FCHSD2: variants seen among roughly 807,000 people sequenced by gnomAD.
FCHSD2 encodes F-BAR and double SH3 domains protein 2.
FCHSD2 carries 38 observed loss-of-function variants against 108.1 expected under a neutral mutation model. The ratio of observed to expected loss-of-function variants is 0.35; its 90% CI spans 0.27 to 0.46. The LOEUF (loss-of-function observed/expected upper bound fraction) is 0.46. Among genes scored for constraint, FCHSD2 ranks in the 20% least tolerant of loss-of-function variants. FCHSD2 has a pLI of 1.00. For synonymous variants in FCHSD2, 279 were observed against 314.7 expected (o/e 0.89, Z 1.20); for missense variants, 751 against 897.8 (o/e 0.84, Z 2.09).
At chr11:72,844,416 A>G (rs1861062050) in intron 14 of FCHSD2, among the ~76,000 whole-genome samples, 1 of 152,176 alleles carries the variant, frequency 6.6e-6, no homozygotes, top group African/African-American at 2.4e-5. Context: ...CTCCAACTTA[A>G]CTGTGTGGAG....
intron 5 of FCHSD2, among the ~76,000 whole-genome samples, chr11:72,994,814 G>A (rs1026309343): frequency 6.6e-6 from 1 of 152,062 alleles, no homozygotes; most frequent in African/African-American, 2.4e-5. Context: ...TCTTATAGAT[G>A]TAGTTTATCT....
At chr11:72,972,449 G>A (rs1857025063) in intron 8 of FCHSD2, among the ~76,000 whole-genome samples, 1 of 152,202 alleles carries the variant, frequency 6.6e-6, no homozygotes, top group South Asian at 2.1e-4. Flanking sequence ...CCATGGGAAA[G>A]TAGAGGATGT....
At chr11:72,987,898 A>AT (rs1857339624) in intron 6 of FCHSD2, among the ~76,000 whole-genome samples, 1 of 152,236 alleles carries the variant, frequency 6.6e-6, no homozygotes, top group Admixed American at 6.5e-5. Context: ...CTGACTCTAT[A>AT]AAAGTACAGG....
At chr11:73,100,686 C>CT (rs1860202970) in intron 2 of FCHSD2, among the ~76,000 whole-genome samples, 1 of 152,116 alleles carries the variant, frequency 6.6e-6, no homozygotes, top group East Asian at 1.9e-4. Context: ...TCTAATCTTC[C>CT]TATGACAGTC....
At chr11:72,902,774 G>T (rs759933529) in intron 9 of FCHSD2, 136 bp from the exon 10 acceptor site, 11 of 554,556 alleles carry the variant, frequency 2.0e-5, no homozygotes, top group Non-Finnish European at 3.4e-5. Flanking sequence ...AAGAAATGGT[G>T]TTACGCATTT....
intron 8 of FCHSD2, among the ~76,000 whole-genome samples, chr11:72,978,227 G>A (rs996829855): frequency 2.0e-5 from 3 of 151,684 alleles, no homozygotes; most frequent in Non-Finnish European, 4.4e-5. Context: ...GAGTTAATGG[G>A]TACAGCACAC....
intron 3 of FCHSD2, among the ~76,000 whole-genome samples, chr11:73,062,582 G>C (rs539050431): frequency 6.6e-6 from 1 of 152,154 alleles, no homozygotes; most frequent in Non-Finnish European, 1.5e-5. Flanking sequence ...AACCAGTGTA[G>C]AGGAGAACAT....
At chr11:72,946,355 A>G (rs956957994) in intron 8 of FCHSD2, among the ~76,000 whole-genome samples, 5 of 137,956 alleles carry the variant, frequency 3.6e-5, no homozygotes, top group Non-Finnish European at 7.7e-5. Context: ...ATGAGAACAC[A>G]TGGACATAGG....
chr11:72,903,374 G>A (rs4944816), intron 9 of FCHSD2, among the ~76,000 whole-genome samples: 64,237 of 151,732 alleles, frequency 0.42, 14,343 homozygotes, highest in South Asian at 0.64. Flanking sequence ...CCGCCACTGC[G>A]CCCAGCTAAT....
intron 3 of FCHSD2, among the ~76,000 whole-genome samples, chr11:73,068,848 A>T (rs1859362879): frequency 6.7e-6 from 1 of 150,298 alleles, no homozygotes; most frequent in Non-Finnish European, 1.5e-5. Context: ...AGAAAAAAAA[A>T]TTAAAAAAAC....
intron 3 of FCHSD2, among the ~76,000 whole-genome samples, chr11:73,034,782 C>T (rs146233135): frequency 1.2e-3 from 188 of 152,232 alleles, no homozygotes; most frequent in Admixed American, 2.7e-3. Flanking sequence ...TATTAAGGAT[C>T]AGGTGAATTT....
chr11:73,093,465 C>T (rs569432631), intron 2 of FCHSD2, among the ~76,000 whole-genome samples: 4 of 152,204 alleles, frequency 2.6e-5, no homozygotes, highest in African/African-American at 7.2e-5. Flanking sequence ...TAGGGATTCT[C>T]GAACTTACAG....
chr11:73,114,568 G>A (rs1208164423), intron 2 of FCHSD2, among the ~76,000 whole-genome samples: 1 of 152,070 alleles, frequency 6.6e-6, no homozygotes, highest in Non-Finnish European at 1.5e-5. Flanking sequence ...CATCACAGAA[G>A]CTCACCCAAG....
chr11:72,944,633 T>C lies in FCHSD2; in HGVS notation c.706-22683A>G, dbSNP rs981408487. Among the ~76,000 whole-genome samples, 36 of 152,166 alleles carry C rather than the reference T, an allele frequency of 2.4e-4. 1 individual carries two copies. Among genetic ancestry groups the C allele is most frequent in the African/African-American group, 8.2e-4 (34 of 41,430 alleles). ...TTGTCCCTGTTTGTAGATGACATGATTGTATATCTAGAAAACCCCATTGTC... is the reference window on the plus strand; with the variant it reads ...TTGTCCCTGTTTGTAGATGACATGACTGTATATCTAGAAAACCCCATTGTC... On this transcript the variant is annotated intron_variant, in intron 8 of 19. Transcript: ENST00000409418.
At chr11:73,078,197 C>T (rs1013119578) in intron 3 of FCHSD2, among the ~76,000 whole-genome samples, 3 of 152,128 alleles carry the variant, frequency 2.0e-5, no homozygotes, top group Admixed American at 1.3e-4. Context: ...GAATACTAAA[C>T]TTTAGCAAAG....
chr11:72,900,963 G>A (rs10736788), intron 10 of FCHSD2, among the ~76,000 whole-genome samples: 144,808 of 152,330 alleles, frequency 0.95, 69,145 homozygotes, highest in East Asian at 1. Context: ...ATGCCAATGC[G>A]TGCCTTCTCA....
chr11:72,954,155 T>C (rs76581108), intron 8 of FCHSD2, among the ~76,000 whole-genome samples: 3 of 150,578 alleles, frequency 2.0e-5, no homozygotes, highest in African/African-American at 7.3e-5. Flanking sequence ...AAGATAATAA[T>C]GGTGGCTTAG....
chr11:72,851,740 T>A (rs1861294569), intron 13 of FCHSD2, among the ~76,000 whole-genome samples: 1 of 151,832 alleles, frequency 6.6e-6, no homozygotes, highest in African/African-American at 2.4e-5. Flanking sequence ...AGACTCTGTC[T>A]CAAAACAAAA....
intron 8 of FCHSD2, among the ~76,000 whole-genome samples, chr11:72,971,371 CCTTT>C (rs1857003929): frequency 6.6e-6 from 1 of 151,946 alleles, no homozygotes; most frequent in Admixed American, 6.6e-5. Context: ...AATCCCCTTT[CCTTT>C]GAGTGTCAGT....
Sources: gnomAD v4.1 joint callset for allele counts (sites outside exome capture counted in the v4.1 genomes callset) on GRCh38, gnomAD v4.1.1 for gene constraint, MANE v1.5 for transcripts, NCBI Gene and HGNC (gene_info 2026-07-23, HGNC 2026-07-21) for gene names.